The following TGFBRAP1 variants were observed in gnomAD, a reference collection of about 807,000 sequenced individuals.
TGFBRAP1 encodes the protein transforming growth factor-beta receptor-associated protein 1.
TGFBRAP1 carries 20 observed loss-of-function variants against 83.2 expected under a neutral mutation model. The ratio of observed to expected loss-of-function variants is 0.24; its 90% CI spans 0.17 to 0.35. The LOEUF is 0.35. Among genes scored for constraint, TGFBRAP1 ranks in the 10% least tolerant of loss-of-function variants. The probability of loss-of-function intolerance (pLI) is 1.00; values close to 1 mark genes in which losing one functional copy is unlikely to be tolerated. For synonymous variants in TGFBRAP1, 415 were observed against 459.8 expected, an observed-to-expected ratio of 0.90 and a Z score of 1.25; for missense variants, 950 against 1,099.4, an observed-to-expected ratio of 0.86 and a Z score of 1.92.
At chr2:105,312,314 GAA>G in intron 1 of TGFBRAP1, among the ~76,000 whole-genome samples, 1 of 152,062 alleles carries the variant, frequency 6.6e-6, no homozygotes, top group African/African-American at 2.4e-5. Flanking sequence ...AAAAAAATAA[GAA>G]TATTAAATTT....
At chr2:105,309,370 C>G (rs779246070) in intron 1 of TGFBRAP1, among the ~76,000 whole-genome samples, 11 of 152,220 alleles carry the variant, frequency 7.2e-5, no homozygotes, top group Non-Finnish European at 1.3e-4. Context: ...AAGTGAAAGG[C>G]TGCTATCACT....
At chr2:105,320,703 T>C (rs543806477) in intron 1 of TGFBRAP1, among the ~76,000 whole-genome samples, 3 of 152,358 alleles carry the variant, frequency 2.0e-5, no homozygotes, top group African/African-American at 7.2e-5. Flanking sequence ...TATTGTTCCA[T>C]AATATCAGTC....
intron 1 of TGFBRAP1, among the ~76,000 whole-genome samples, chr2:105,318,333 G>C (rs1467446300): frequency 6.6e-6 from 1 of 152,192 alleles, no homozygotes. Flanking sequence ...GACTGGGTAT[G>C]GGTGTGCATG....
chr2:105,279,618 T>C (rs1181257915), intron 6 of TGFBRAP1, among the ~76,000 whole-genome samples: 1 of 152,086 alleles, frequency 6.6e-6, no homozygotes, highest in Non-Finnish European at 1.5e-5. Flanking sequence ...AGCCTCCCTT[T>C]GAATCTGTTT....
intron 1 of TGFBRAP1, among the ~76,000 whole-genome samples, chr2:105,318,912 A>G (rs1384189449): frequency 6.6e-6 from 1 of 152,124 alleles, no homozygotes; most frequent in Non-Finnish European, 1.5e-5. Context: ...CCAGGGCCAC[A>G]TAAGTATCTC....
At chr2:105,304,619 C>T (rs1439063333) in intron 2 of TGFBRAP1, among the ~76,000 whole-genome samples, 1 of 152,210 alleles carries the variant, frequency 6.6e-6, no homozygotes, top group African/African-American at 2.4e-5. Context: ...CCCATCTCTA[C>T]TAAGAACACA....
intron 1 of TGFBRAP1, among the ~76,000 whole-genome samples, chr2:105,311,481 A>T (rs1444529841): frequency 6.6e-6 from 1 of 152,142 alleles, no homozygotes; most frequent in Non-Finnish European, 1.5e-5. Context: ...CCTCCTCAGG[A>T]GGCTGAGGTA....
At chr2:105,290,616 A>AGTGTGTGTGTGTGTGT (rs3060065) in intron 4 of TGFBRAP1, among the ~76,000 whole-genome samples, 4 of 139,986 alleles carry the variant, frequency 2.9e-5, no homozygotes, top group South Asian at 2.4e-4. Context: ...ACAGAGAGAC[A>AGTGTGTGTGTGTGTGT]GTGTGTGTGT....
intron 1 of TGFBRAP1, among the ~76,000 whole-genome samples, chr2:105,322,368 G>GT (rs1480104468): frequency 6.6e-6 from 1 of 152,152 alleles, no homozygotes; most frequent in Non-Finnish European, 1.5e-5. Flanking sequence ...TAAATTTAGT[G>GT]TAGCCTAAGT....
intron 1 of TGFBRAP1, among the ~76,000 whole-genome samples, chr2:105,315,140 A>T (rs1348020838): frequency 6.6e-6 from 1 of 152,098 alleles, no homozygotes; most frequent in Non-Finnish European, 1.5e-5. Context: ...AAAAACTTAC[A>T]ATAGTAGAAA....
chr2:105,294,920 G>T (rs1678031706), intron 4 of TGFBRAP1, among the ~76,000 whole-genome samples: 1 of 151,958 alleles, frequency 6.6e-6, no homozygotes, highest in Non-Finnish European at 1.5e-5. Flanking sequence ...GGCCCCCCTG[G>T]ACTTCCACAC....
At chr2:105,256,736 G>A in the TGFBRAP1 span, among the ~76,000 whole-genome samples, 17,122 of 152,158 alleles carry the variant, frequency 0.11, 1,199 homozygotes, top group Middle Eastern at 0.15. Context: ...ATAAGAGCTG[G>A]GTAAAATAAG....
intron 2 of TGFBRAP1, among the ~76,000 whole-genome samples, chr2:105,301,504 T>C (rs1678290251): frequency 6.6e-6 from 1 of 151,844 alleles, no homozygotes; most frequent in South Asian, 2.1e-4. Flanking sequence ...GCAGAATCAT[T>C]TGAACCCGGG....
intron 2 of TGFBRAP1, among the ~76,000 whole-genome samples, chr2:105,299,669 A>G (rs996751479): frequency 2.0e-5 from 3 of 151,790 alleles, no homozygotes; most frequent in African/African-American, 7.3e-5. Flanking sequence ...CTGACACAGG[A>G]AGATTGCTTG....
intron 4 of TGFBRAP1, among the ~76,000 whole-genome samples, chr2:105,286,663 A>G (rs1677730265): frequency 6.6e-6 from 1 of 152,192 alleles, no homozygotes; most frequent in Non-Finnish European, 1.5e-5. Context: ...GAGCCACTCT[A>G]TGTCTACTCT....
chr2:105,327,194 T>C (rs1679248299), intron 1 of TGFBRAP1: 1 of 152,100 alleles, frequency 6.6e-6, no homozygotes, highest in African/African-American at 2.4e-5. Context: ...AATATTAGCA[T>C]GAAGGAATAA....
At chr2:105,303,910 C>CA (rs1485269378) in intron 2 of TGFBRAP1, among the ~76,000 whole-genome samples, 10 of 151,310 alleles carry the variant, frequency 6.6e-5, no homozygotes, top group Non-Finnish European at 1.5e-4. Context: ...ATTTCTTCAG[C>CA]AAAAAAAATT....
At chr2:105,288,765 A>G (rs1475574909) in intron 4 of TGFBRAP1, among the ~76,000 whole-genome samples, 1 of 152,242 alleles carries the variant, frequency 6.6e-6, no homozygotes, top group African/African-American at 2.4e-5. Context: ...CATGAGGACC[A>G]TGGCATTCTC....
chr2:105,259,998 A>G (rs1373249028), downstream of TGFBRAP1, among the ~76,000 whole-genome samples: 1 of 152,254 alleles, frequency 6.6e-6, no homozygotes, highest in African/African-American at 2.4e-5. Flanking sequence ...ATATGAATAT[A>G]AAAAATAGAA....
Sources: allele counts gnomAD v4.1 joint callset (sites outside exome capture counted in the v4.1 genomes callset), GRCh38; gene constraint gnomAD v4.1.1; transcripts MANE v1.5; gene names NCBI Gene and HGNC (gene_info 2026-07-23, HGNC 2026-07-21).